MCMBP: variants seen among roughly 807,000 people sequenced by gnomAD.
The protein encoded by MCMBP is mini-chromosome maintenance complex-binding protein.
In MCMBP, 31 loss-of-function variants were observed where a neutral mutation model predicts 81.3. The observed-to-expected ratio is 0.38, with a 90% confidence interval of 0.29 to 0.51. MCMBP has a LOEUF of 0.51. Among genes scored for constraint, MCMBP ranks in the 20% least tolerant of loss-of-function variants. MCMBP has a pLI of 0.87. For missense variants in MCMBP, 645 were observed against 772.1 expected (o/e 0.84, Z 1.95); for synonymous variants, 267 against 275.9 (o/e 0.97, Z 0.32).
intron 5 of MCMBP, 146 bp downstream of exon 5, chr10:119,857,192 T>C (rs563068565): frequency 2.0e-6 from 1 of 501,474 alleles, no homozygotes; most frequent in African/African-American, 2.0e-5. Flanking sequence ...CAGTGACAAA[T>C]ACTTAGCCCG....
chr10:119,858,093 A>C (rs1853116056), intron 4 of MCMBP: 1 of 152,230 alleles, frequency 6.6e-6, no homozygotes, highest in Non-Finnish European at 1.5e-5. Context: ...TAATGATTAC[A>C]GTATCCCTTG....
At chr10:119,850,459 C>A (rs1852770763) in intron 6 of MCMBP, among the ~76,000 whole-genome samples, 1 of 152,036 alleles carries the variant, frequency 6.6e-6, no homozygotes, top group African/African-American at 2.4e-5. Context: ...GATAAAACTG[C>A]AAAGAACAGG....
At chr10:119,841,944 C>T (rs1268124994) in intron 10 of MCMBP, among the ~76,000 whole-genome samples, 2 of 152,160 alleles carry the variant, frequency 1.3e-5, no homozygotes, top group African/African-American at 4.8e-5. Flanking sequence ...AGGCCGTGGA[C>T]CAGTACTGGT....
chr10:119,860,672 G>A (rs1273074497), intron 1 of MCMBP, among the ~76,000 whole-genome samples: 1 of 152,086 alleles, frequency 6.6e-6, no homozygotes. Flanking sequence ...CCTTTCATAT[G>A]GAATAGTTCT....
chr10:119,831,382 T>C lies in MCMBP; in HGVS notation c.*92A>G. On this transcript the variant is annotated 3_prime_UTR_variant, in exon 16 of 16. Transcript: ENST00000369077. ...AAATGTCACTGGTTTGTGATAGAAA[T>C]TACCTATAAAACAATGTGGTATAAA... The C allele has an allele frequency of 6.8e-7, 1 of 1,471,048 alleles. No homozygotes were observed. The highest frequency in any genetic ancestry group is 9.3e-7 in the Non-Finnish European group (1 of 1,076,854). The allele number at this position is 1,471,048 out of a possible 1,614,324, so 91.1% of individuals were successfully genotyped here.
chr10:119,850,184 A>T (rs2134369997), intron 6 of MCMBP, among the ~76,000 whole-genome samples: 1 of 152,342 alleles, frequency 6.6e-6, no homozygotes, highest in East Asian at 1.9e-4. Context: ...CTACTGATAC[A>T]TGCAACAATT....
intron 1 of MCMBP, among the ~76,000 whole-genome samples, chr10:119,868,569 G>A (rs1321193119): frequency 2.6e-5 from 4 of 152,210 alleles, no homozygotes; most frequent in Non-Finnish European, 4.4e-5. Flanking sequence ...CAAATTCTAA[G>A]AAATTAGGAT....
chr10:119,871,090 T>A (rs1008143366), intron 1 of MCMBP, among the ~76,000 whole-genome samples: 2 of 152,196 alleles, frequency 1.3e-5, no homozygotes, highest in African/African-American at 4.8e-5. Flanking sequence ...AAATAAACTT[T>A]CTAATATTAG....
chr10:119,841,462 A>T (rs1484788257), intron 10 of MCMBP, among the ~76,000 whole-genome samples: 1 of 152,270 alleles, frequency 6.6e-6, no homozygotes, highest in Admixed American at 6.5e-5. Context: ...CATTTAGGGA[A>T]ATGGTTACAG....
intron 4 of MCMBP, among the ~76,000 whole-genome samples, chr10:119,858,504 T>TAAA (rs1193894218): frequency 6.6e-6 from 1 of 150,416 alleles, no homozygotes; most frequent in African/African-American, 2.5e-5. Flanking sequence ...GAATGAATAT[T>TAAA]TCATTAAATT....
intron 6 of MCMBP, among the ~76,000 whole-genome samples, chr10:119,852,290 A>G (rs1044015750): frequency 6.6e-6 from 1 of 152,098 alleles, no homozygotes; most frequent in Admixed American, 6.6e-5. Context: ...AGTGGATAGC[A>G]CATACTCGAA....
Position 119,849,536 on chromosome 10 carries a change from A to G in MCMBP, c.615T>C (p.Arg205=). ...GCCCAGTAGAAGCTTCAGTTTCTAA[A>G]CGTTTTGGCTCTCCACACCATTGAA... ...GGLQWCGEPK[R]LETEASTGQQ... Residue 205 remains arginine, a synonymous_variant, in exon 7 of 16, where the codon CGT becomes CGC. Coordinates refer to ENST00000369077, the MANE Select transcript of MCMBP (RefSeq NM_001256378.2). 1 of 1,608,090 alleles carries G rather than the reference A, an allele frequency of 6.2e-7. No individual in the cohort carries two copies. Among genetic ancestry groups the G allele is most frequent in the Non-Finnish European group, 8.5e-7 (1 of 1,178,360 alleles).
chr10:119,838,135 C>G (rs1305361420), intron 12 of MCMBP, among the ~76,000 whole-genome samples: 2 of 151,552 alleles, frequency 1.3e-5, no homozygotes, highest in African/African-American at 2.4e-5. Context: ...ACCAAAGAAC[C>G]CTTACGACCC....
intron 1 of MCMBP, among the ~76,000 whole-genome samples, chr10:119,862,436 G>T (rs1853292890): frequency 6.6e-6 from 1 of 152,126 alleles, no homozygotes; most frequent in Non-Finnish European, 1.5e-5. Flanking sequence ...AATCTTAGGA[G>T]GAGTACAACT....
At chr10:119,862,334 A>G (rs1444003203) in intron 1 of MCMBP, among the ~76,000 whole-genome samples, 1 of 152,068 alleles carries the variant, frequency 6.6e-6, no homozygotes, top group Non-Finnish European at 1.5e-5. Flanking sequence ...TCCACCACGC[A>G]AAAAGAAAAA....
chr10:119,843,401 T>C lies in MCMBP; in HGVS notation c.853A>G (p.Met285Val), dbSNP rs1215853951. ...TCCTCTGCTGTGTCTGTGCACTCCA[T>C]CGGATCCAGCAGTGCAGAGGCATCC... The part of the protein sequence containing the change: ...ERDASALLDP[M>V]ECTDTAEEQR... The change falls in exon 9 of 16, where the codon ATG becomes GTG. Residue 285 changes from methionine (M) to valine (V), a missense_variant. By Grantham distance (21) the Met-to-Val change is conservative. Transcript: ENST00000369077. 6.2e-7 allele frequency: 1 copy of C among 1,613,884 alleles called. No individual in the cohort carries two copies. The highest frequency in any genetic ancestry group is 1.7e-5 in the Admixed American group (1 of 60,026).
In MCMBP at chr10:119,842,511, A is replaced by G. The variant is rs1360926021; in HGVS notation, c.1085T>C (p.Leu362Ser). The G allele has an allele frequency of 6.2e-7, 1 of 1,613,966 alleles. No homozygotes were observed. The highest frequency in any genetic ancestry group is 8.5e-7 in the Non-Finnish European group (1 of 1,179,872). The change falls in exon 10 of 16, where the codon TTG becomes TCG. Residue 362 changes from leucine (L) to serine (S), a missense_variant. Coordinates refer to ENST00000369077, the MANE Select transcript of MCMBP (RefSeq NM_001256378.2). ...FLTHALLGDS[L>S]AAEYLILHLI... ...ATGTAATATAAGGTATTCAGCAGCCAAACTATCCCCCAGAAGGGCATGAGT... is the reference window on the plus strand; with the variant it reads ...ATGTAATATAAGGTATTCAGCAGCCGAACTATCCCCCAGAAGGGCATGAGT...
intron 8 of MCMBP, among the ~76,000 whole-genome samples, chr10:119,844,290 G>A (rs1402893121): frequency 3.3e-5 from 5 of 152,118 alleles, no homozygotes; most frequent in Admixed American, 1.3e-4. Flanking sequence ...TTTGTGAGAC[G>A]ACCAAAACAA....
chr10:119,855,537 T>C (rs1853006438), intron 5 of MCMBP, among the ~76,000 whole-genome samples: 1 of 152,068 alleles, frequency 6.6e-6, no homozygotes, highest in Non-Finnish European at 1.5e-5. Flanking sequence ...CCGGGCATGG[T>C]GGCAGGCACC....
Sources: allele counts gnomAD v4.1 joint callset (sites outside exome capture counted in the v4.1 genomes callset), GRCh38; gene constraint gnomAD v4.1.1; transcripts MANE v1.5; gene names NCBI Gene and HGNC (gene_info 2026-07-23, HGNC 2026-07-21).